ARHGAP31: variants seen among roughly 807,000 people sequenced by gnomAD.
ARHGAP31 encodes the protein rho GTPase-activating protein 31.
A neutral mutation model predicts 113.9 loss-of-function variants in ARHGAP31; 34 were observed. That is an observed-to-expected ratio of 0.30 (90% CI 0.23 to 0.40). The LOEUF (loss-of-function observed/expected upper bound fraction) is 0.40, where lower values mean the gene tolerates loss of function less well. ARHGAP31 is among the 10% of genes least tolerant of loss of function. The pLI is 1.00. For missense variants in ARHGAP31, 1,548 were observed against 1,767.1 expected, an observed-to-expected ratio of 0.88 and a Z score of 2.22; for synonymous variants, 650 against 684.8, an observed-to-expected ratio of 0.95 and a Z score of 0.79.
chr3:119,361,420 C>G lies in ARHGAP31; in HGVS notation c.101-3896C>G, dbSNP rs144145607. On this transcript the variant is annotated intron_variant, in intron 1 of 11. Coordinates refer to ENST00000264245, the MANE Select transcript of ARHGAP31 (RefSeq NM_020754.4). ...AGACAGAGTCAGAGTCTAGCTTTGT[C>G]GCCCAGTCTGGAGTTCAGTGGTGCA... Among the ~76,000 whole-genome samples, 452 of 144,228 alleles carry G rather than the reference C, an allele frequency of 3.1e-3. 3 individuals are homozygous for G. Among genetic ancestry groups the G allele is most frequent in the African/African-American group, 0.011 (437 of 38,704 alleles). 94.6% of individuals were successfully genotyped at this position (144,228 alleles called of 152,430 possible). A position where few individuals can be genotyped will look rare whatever the true frequency, so the allele number is the denominator to read the frequency against.
chr3:119,308,763 C>T (rs941478484), intron 1 of ARHGAP31, among the ~76,000 whole-genome samples: 2 of 152,180 alleles, frequency 1.3e-5, no homozygotes, highest in East Asian at 1.9e-4. Context: ...AGAAAGGTGT[C>T]GCACTGGGCA....
chr3:119,383,160 G>C lies in ARHGAP31; in HGVS notation c.616G>C (p.Glu206Gln). The C allele has an allele frequency of 1.2e-6, 2 of 1,614,186 alleles. No homozygotes were observed. The highest frequency in any genetic ancestry group is 1.7e-6 in the Non-Finnish European group (2 of 1,180,020). ...LAVRVQQVVI[E>Q]FILNHVDQIF... ...AGTCCGGGTCCAGCAGGTGGTGATT[G>C]AGTTCATATTGAATCATGTAGATCA... The change falls in exon 6 of 12, where the codon GAG becomes CAG. Residue 206 changes from glutamate (E) to glutamine (Q), a missense_variant. By Grantham distance (29) the Glu-to-Gln change is conservative. Transcript: ENST00000264245.
intron 1 of ARHGAP31, among the ~76,000 whole-genome samples, chr3:119,337,181 G>A (rs1013196613): frequency 3.3e-5 from 5 of 152,168 alleles, no homozygotes; most frequent in Non-Finnish European, 5.9e-5. Flanking sequence ...GAGTGTTACA[G>A]TTCTTAGAGA....
intron 1 of ARHGAP31, among the ~76,000 whole-genome samples, chr3:119,362,956 T>A (rs1273397147): frequency 6.6e-6 from 1 of 152,210 alleles, no homozygotes; most frequent in Non-Finnish European, 1.5e-5. Context: ...GGAATGCTTC[T>A]TATATGCCAG....
rs949917604 is a variant in ARHGAP31 at position 119,342,462 on chromosome 3, G to T, written c.101-22854G>T. Among the ~76,000 whole-genome samples the T allele has an allele frequency of 3.9e-5, 6 of 152,286 alleles. No homozygotes were observed. In the South Asian group the frequency reaches 1.2e-3, roughly 32 times the overall value. Reference sequence around the variant, plus strand: ...GAAAGTCAGAGCATGTTTCAGTAAGGTTCTTAAAAAGGCTGGGACCAACCA... The same window carrying T: ...GAAAGTCAGAGCATGTTTCAGTAAGTTTCTTAAAAAGGCTGGGACCAACCA... On this transcript the variant is annotated intron_variant, in intron 1 of 11. Coordinates refer to ENST00000264245, the MANE Select transcript of ARHGAP31 (RefSeq NM_020754.4).
chr3:119,337,370 C>G (rs558938467), intron 1 of ARHGAP31, among the ~76,000 whole-genome samples: 1 of 152,018 alleles, frequency 6.6e-6, no homozygotes, highest in Admixed American at 6.6e-5. Flanking sequence ...TTCATGCTCT[C>G]GCTGACTTCA....
At chr3:119,406,756 G>C (rs1297992558) in intron 10 of ARHGAP31, among the ~76,000 whole-genome samples, 1 of 152,164 alleles carries the variant, frequency 6.6e-6, no homozygotes, top group Non-Finnish European at 1.5e-5. Flanking sequence ...GAATTAACTG[G>C]GGTAGCTCTC....
chr3:119,414,236 G>A lies in ARHGAP31; in HGVS notation c.2307G>A (p.Val769=), dbSNP rs1201604565. 3.1e-6 allele frequency: 5 copies of A among 1,614,180 alleles called. No individual in the cohort carries two copies. The highest frequency in any genetic ancestry group is 4.2e-6 in the Non-Finnish European group (5 of 1,180,022). ...AGAAGGCATCTCCACAAGCAACAGT[G>A]GAAGTAGGAGGCCCAGGCAATCTGT... The part of the protein sequence containing the change: ...PFEKASPQAT[V]EVGGPGNLSP... Residue 769 remains valine, a synonymous_variant, in exon 12 of 12, where the codon GTG becomes GTA. Transcript: ENST00000264245.
At chr3:119,381,165 G>A (rs1010107101) in intron 4 of ARHGAP31, among the ~76,000 whole-genome samples, 179 bp downstream of exon 4, 1 of 152,122 alleles carries the variant, frequency 6.6e-6, no homozygotes, top group Non-Finnish European at 1.5e-5. Flanking sequence ...GTCTGACCAG[G>A]GACATTGGCA....
intron 1 of ARHGAP31, among the ~76,000 whole-genome samples, chr3:119,316,388 A>G (rs2079730972): frequency 6.6e-6 from 1 of 152,240 alleles, no homozygotes; most frequent in Non-Finnish European, 1.5e-5. Flanking sequence ...AGGACTGGAT[A>G]AACTTGATAC....
intron 1 of ARHGAP31, among the ~76,000 whole-genome samples, chr3:119,328,509 A>G (rs1019405865): frequency 6.6e-6 from 1 of 152,236 alleles, no homozygotes; most frequent in Admixed American, 6.5e-5. Flanking sequence ...GCTACCTGTT[A>G]GCCGCTATAC....
At chr3:119,312,846 AAATTTT>A (rs1056302246) in intron 1 of ARHGAP31, among the ~76,000 whole-genome samples, 25 of 152,196 alleles carry the variant, frequency 1.6e-4, no homozygotes, top group African/African-American at 5.8e-4. Context: ...CCAGGAACTA[AAATTTT>A]AATTTTAATT....
At chr3:119,349,472 G>A (rs868051367) in intron 1 of ARHGAP31, among the ~76,000 whole-genome samples, 24 of 152,180 alleles carry the variant, frequency 1.6e-4, no homozygotes, top group African/African-American at 5.5e-4. Context: ...TTTACATCCT[G>A]GACGGAGAAT....
At chr3:119,296,601 G>A (rs2079535830) in intron 1 of ARHGAP31, among the ~76,000 whole-genome samples, 1 of 152,114 alleles carries the variant, frequency 6.6e-6, no homozygotes, top group Non-Finnish European at 1.5e-5. Flanking sequence ...TTGCATAGGG[G>A]TGCTTGCCAG....
Position 119,402,304 on chromosome 3 carries a change from T to C in ARHGAP31, c.1552T>C (p.Ser518Pro), listed in dbSNP as rs752608900. 6 of 1,614,204 alleles carry C rather than the reference T, an allele frequency of 3.7e-6. No individual in the cohort carries two copies. The Admixed American group carries it at 1.0e-4, about 27-fold the overall frequency. The change falls in exon 10 of 12, where the codon TCT becomes CCT. Residue 518 changes from serine (S) to proline (P), a missense_variant. By Grantham distance (74) the Ser-to-Pro change is moderately conservative (BLOSUM62 -1). Transcript: ENST00000264245. ...PCRTPPKELQSLSSLEEFSFH... is the reference protein window; with the variant it reads ...PCRTPPKELQPLSSLEEFSFH... The stretch of plus-strand genomic sequence containing the variant: ...CAGAACACCCCCGAAGGAGCTGCAG[T>C]CTCTTTCCAGCCTGGAAGAGTTTTC...
intron 2 of ARHGAP31, among the ~76,000 whole-genome samples, chr3:119,367,789 G>A (rs571853561): frequency 4.6e-5 from 7 of 151,278 alleles, no homozygotes; most frequent in South Asian, 2.1e-4. Flanking sequence ...CCCGGGAGGC[G>A]GAGGTTGCAG....
chr3:119,375,427 G>C (rs1418224647), intron 3 of ARHGAP31, among the ~76,000 whole-genome samples: 1 of 151,914 alleles, frequency 6.6e-6, no homozygotes, highest in African/African-American at 2.4e-5. Flanking sequence ...ATCTCCCTTT[G>C]CCCTGCTCCT....
intron 1 of ARHGAP31, among the ~76,000 whole-genome samples, chr3:119,350,749 A>G (rs1235313282): frequency 6.6e-6 from 1 of 152,234 alleles, no homozygotes; most frequent in Non-Finnish European, 1.5e-5. Flanking sequence ...TTTATATTTT[A>G]TTTAACAGAA....
rs750621620 is a variant in ARHGAP31 at position 119,340,055 on chromosome 3, A to T, written c.101-25261A>T. Among the ~76,000 whole-genome samples, 8 of 152,280 alleles carry T rather than the reference A, an allele frequency of 5.3e-5. 1 individual carries two copies. Among genetic ancestry groups the T allele is most frequent in the South Asian group, 2.1e-4 (1 of 4,836 alleles). On this transcript the variant is annotated intron_variant, in intron 1 of 11. Coordinates refer to ENST00000264245, the MANE Select transcript of ARHGAP31 (RefSeq NM_020754.4). ...AAGCACTAGTATATGGAATATATTT[A>T]AAAACTTTCAAACCTCAGCAGTAAA... is the stretch of plus-strand genomic sequence containing the variant.
Sources: gnomAD v4.1 joint callset for allele counts (sites outside exome capture counted in the v4.1 genomes callset) on GRCh38, gnomAD v4.1.1 for gene constraint, MANE v1.5 for transcripts, NCBI Gene and HGNC (gene_info 2026-07-23, HGNC 2026-07-21) for gene names.